The following ZNF219 variants were observed in gnomAD, a reference collection of about 807,000 sequenced individuals.
The protein encoded by ZNF219 is zinc finger protein 219.
In ZNF219, 17 loss-of-function variants were observed where a neutral mutation model predicts 54.4. That is an observed-to-expected ratio of 0.31 (90% CI 0.21 to 0.47). ZNF219 has a LOEUF of 0.47. Ranked by LOEUF, ZNF219 falls within the 20% of genes least tolerant of loss-of-function variation. The pLI is 1.00. For missense variants in ZNF219, 1,014 were observed against 1,062.3 expected (o/e 0.95, Z 0.63); for synonymous variants, 518 against 476.4 (o/e 1.09, Z -1.14).
At chr14:21,094,873 T>C (rs1193433182) in intron 1 of ZNF219, among the ~76,000 whole-genome samples, 1 of 150,956 alleles carries the variant, frequency 6.6e-6, no homozygotes, top group East Asian at 1.9e-4. Flanking sequence ...TATAGAATAG[T>C]ATCTGGTCAA....
In ZNF219 at chr14:21,093,725, G is replaced by A; in HGVS notation, c.-83-51C>T. The A allele has an allele frequency of 2.6e-6, 4 of 1,516,580 alleles. No homozygotes were observed. The South Asian group carries it at 3.4e-5, about 13-fold the overall frequency. 93.9% of individuals were successfully genotyped at this position (1,516,580 alleles called of 1,614,324 possible). A position where few individuals can be genotyped will look rare whatever the true frequency, so the allele number is the denominator to read the frequency against. The stretch of plus-strand genomic sequence containing the variant: ...AAAAGATGAGCCCTAGTTTTCAGCA[G>A]TAAAGTCACTCCCTACCCCCAGACT... On this transcript the variant is annotated intron_variant, in intron 1 of 4. Transcript: ENST00000360947.
upstream of ZNF219, chr14:21,101,469 C>A (rs1359446424): frequency 2.6e-6 from 4 of 1,545,798 alleles, no homozygotes; most frequent in South Asian, 4.8e-5. Flanking sequence ...CAGGCTACCC[C>A]ATCCCAGGTC....
Position 21,091,437 on chromosome 14 carries a change from A to T in ZNF219, c.1538T>A (p.Leu513His). Reference sequence around the variant, plus strand: ...TGTGTGCACTCGCAGATGCACTTTGAGGTGATGTGCTGAGCGGAAAGATTT... The same window carrying T: ...TGTGTGCACTCGCAGATGCACTTTGTGGTGATGTGCTGAGCGGAAAGATTT... ...CGKSFRSAHHLKVHLRVHTGE... is the reference protein window; with the variant it reads ...CGKSFRSAHHHKVHLRVHTGE... The change falls in exon 4 of 5, where the codon CTC becomes CAC. Residue 513 changes from leucine (L) to histidine (H), a missense_variant. This residue lies in a region of ZNF219 where 38 missense variants were observed against 67.3 expected (regional missense o/e 0.56). Transcript: ENST00000360947. The T allele has an allele frequency of 1.9e-6, 3 of 1,605,582 alleles. No individual in the cohort carries two copies. The highest frequency in any genetic ancestry group is 2.6e-6 in the Non-Finnish European group (3 of 1,173,288).
At chr14:21,093,773 A>G (rs1231477677) in intron 1 of ZNF219, 99 bp from the exon 2 acceptor site, 2 of 1,118,912 alleles carry the variant, frequency 1.8e-6, no homozygotes, top group Admixed American at 2.0e-5. Flanking sequence ...TATTCCCAAA[A>G]CCAATCCATT....
chr14:21,095,818 C>T (rs1482585170), intron 1 of ZNF219, among the ~76,000 whole-genome samples: 1 of 152,034 alleles, frequency 6.6e-6, no homozygotes, highest in Admixed American at 6.6e-5. Flanking sequence ...TTTTAGATGT[C>T]ACTGAAAATA....
In ZNF219 at chr14:21,092,763, G is replaced by C; in HGVS notation, c.534C>G (p.Arg178=). ...CKGKFRTSAE[R]ERHLHILHRP... ...TATGCAGGATGTGCAGGTGGCGTTC[G>C]CGCTCCGCCGAGGTGCGAAACTTGC... Residue 178 remains arginine (R), a synonymous_variant, in exon 3 of 5, where the codon CGC becomes CGG. Transcript: ENST00000360947. The C allele has an allele frequency of 6.3e-7, 1 of 1,580,384 alleles. No individual in the cohort carries two copies. The highest frequency in any genetic ancestry group is 2.3e-5 in the East Asian group (1 of 44,254).
At chr14:21,102,594 G>T (rs1369612849), upstream of ZNF219, 2 of 1,551,182 alleles carry the variant, frequency 1.3e-6, no homozygotes, top group Admixed American at 3.9e-5. Flanking sequence ...GGGCAAACAG[G>T]TGCGGGGTCC....
At chr14:21,099,608 TAG>T (rs1889512182), upstream of ZNF219, among the ~76,000 whole-genome samples, 1 of 152,260 alleles carries the variant, frequency 6.6e-6, no homozygotes. Flanking sequence ...TACTAACTTC[TAG>T]AGTCTTCTGG....
Position 21,091,971 on chromosome 14 carries a change from C to T in ZNF219, c.1326G>A (p.Arg442=), listed in dbSNP as rs377591041. The change falls in exon 3 of 5, where the codon CGG becomes CGA. Residue 442 remains arginine (R), a synonymous_variant. Coordinates refer to ENST00000360947, the MANE Select transcript of ZNF219 (RefSeq NM_016423.3). ...AAGCCAGAGAGCCCAGCGACCTGCCCCGGGCCCAGGTTTCCTCCTCGGCCT... is the reference window on the plus strand; with the variant it reads ...AAGCCAGAGAGCCCAGCGACCTGCCTCGGGCCCAGGTTTCCTCCTCGGCCT... ...VVEAEEETWA[R]GRSLGSLASL... The T allele has an allele frequency of 8.7e-5, 137 of 1,576,646 alleles. No individual in the cohort carries two copies. The African/African-American group carries it at 1.5e-3, about 17-fold the overall frequency.
chr14:21,090,803 C>A lies in ZNF219; in HGVS notation c.1902G>T (p.Gly634=). 6.4e-7 allele frequency: 1 copy of A among 1,572,362 alleles called. No individual in the cohort carries two copies. The highest frequency in any genetic ancestry group is 8.6e-7 in the Non-Finnish European group (1 of 1,159,426). The change falls in exon 5 of 5, where the codon GGG becomes GGT. Residue 634 remains glycine, a synonymous_variant. Transcript: ENST00000360947. The surrounding 1 kb of genome is among the most constrained non-coding windows in gnomAD (Gnocchi z 4.4). ...AEPLDLSLRA[G]PGGEAGPGGA... is the part of the protein sequence containing the mutation. ...CCCCAGGCCCGGCCTCGCCTCCCGG[C>A]CCTGCCCGCAAGGACAGGTCCAGGG... is the stretch of plus-strand genomic sequence containing the variant.
Position 21,090,122 on chromosome 14 carries a change from A to C in ZNF219, c.*414T>G. 1 of 438,168 alleles carries C rather than the reference A, an allele frequency of 2.3e-6. No homozygotes were observed. 27.1% of individuals were successfully genotyped at this position (438,168 alleles called of 1,614,324 possible). A position where few individuals can be genotyped will look rare whatever the true frequency, so the allele number is the denominator to read the frequency against. ...TTTATTGGGGACACGACTCTGCAAT[A>C]GGGATGACAGGAATCGTACCAAAAA... is the stretch of plus-strand genomic sequence containing the variant. On this transcript the variant is annotated 3_prime_UTR_variant, in exon 5 of 5. Coordinates refer to ENST00000360947, the MANE Select transcript of ZNF219 (RefSeq NM_016423.3). This position sits in a 1 kb window ranked among gnomAD's most constrained non-coding sequence, Gnocchi z 4.4.
chr14:21,091,199 A>AC, intron 4 of ZNF219, 59 bp from the exon 5 acceptor site: 1 of 1,536,028 alleles, frequency 6.5e-7, no homozygotes, highest in East Asian at 2.3e-5. Context: ...CACCCACCCG[A>AC]ATTTCGCCCA....
Position 21,090,437 on chromosome 14 carries a change from T to C in ZNF219, c.*99A>G. 4 of 1,443,028 alleles carry C rather than the reference T, an allele frequency of 2.8e-6. No individual in the cohort carries two copies. The South Asian group carries it at 5.4e-5, about 20-fold the overall frequency. 89.4% of individuals were successfully genotyped at this position (1,443,028 alleles called of 1,614,324 possible). On this transcript the variant is annotated 3_prime_UTR_variant, in exon 5 of 5. Transcript: ENST00000360947. This position sits in a 1 kb window ranked among gnomAD's most constrained non-coding sequence, Gnocchi z 4.4. ...GGTCCGCCTGGGGCTGGGATATGGG[T>C]CCCACGCTGCCCCCTGCTGGCTTCT...
intron 2 of ZNF219, 106 bp from the exon 3 acceptor site, chr14:21,093,396 G>C: frequency 6.7e-7 from 1 of 1,485,518 alleles, no homozygotes; most frequent in South Asian, 1.3e-5. Flanking sequence ...AGGTGGGCTG[G>C]GGCCTGAACT....
upstream of ZNF219, chr14:21,099,179 G>A (rs1204125120): frequency 5.3e-6 from 1 of 187,458 alleles, no homozygotes; most frequent in African/African-American, 2.4e-5. Flanking sequence ...CCAGGCGATT[G>A]TAGTCTAGAC....
intron 4 of ZNF219, 45 bp from the exon 5 acceptor site, chr14:21,091,185 C>A (rs776022437): frequency 1.3e-6 from 2 of 1,556,058 alleles, no homozygotes; most frequent in South Asian, 2.3e-5. Flanking sequence ...ACGATGACTG[C>A]ACGCACCCAC....
In ZNF219 at chr14:21,092,939, A is replaced by G; in HGVS notation, c.358T>C (p.Leu120=). ...AGCGCGCGCTCTTCCAACTCCAGCA[A>G]CAGGCGTGCAGCAGGACTACGTGGG... ...ERPRSPAARL[L]LELEERALLR... The change falls in exon 3 of 5, where the codon TTG becomes CTG. Residue 120 remains leucine, a synonymous_variant. Coordinates refer to ENST00000360947, the MANE Select transcript of ZNF219 (RefSeq NM_016423.3). 1 of 1,573,018 alleles carries G rather than the reference A, an allele frequency of 6.4e-7. No individual in the cohort carries two copies. Among genetic ancestry groups the G allele is most frequent in the Non-Finnish European group, 8.6e-7 (1 of 1,161,092 alleles).
upstream of ZNF219, chr14:21,103,257 G>A: frequency 6.4e-7 from 1 of 1,551,150 alleles, no homozygotes; most frequent in Non-Finnish European, 8.7e-7. Context: ...CTTCCACCCT[G>A]AGAGAATGCT....
chr14:21,098,900 C>T, upstream of ZNF219: 1 of 1,263,438 alleles, frequency 7.9e-7, no homozygotes, highest in Non-Finnish European at 1.0e-6. Flanking sequence ...AAGCCTCTCC[C>T]TTACAATTTC....
Sources: gnomAD v4.1 joint callset for allele counts (sites outside exome capture counted in the v4.1 genomes callset) on GRCh38, gnomAD v4.1.1 for gene constraint, gnomAD v4.1.1 regional missense constraint, Gnocchi (gnomAD v3.1) non-coding constraint, MANE v1.5 for transcripts, NCBI Gene and HGNC (gene_info 2026-07-23, HGNC 2026-07-21) for gene names.